The following GARIN4 variants were observed in gnomAD, a reference collection of about 807,000 sequenced individuals.
GARIN4 encodes Golgi-associated RAB2 interactor protein 4.
the GARIN4 span, chr1:212,625,047 G>C: frequency 6.2e-7 from 1 of 1,614,166 alleles, no homozygotes; most frequent in Non-Finnish European, 8.5e-7. Context: ...ACCAAAAGGG[G>C]AGAAGTGATT....
the GARIN4 span, chr1:212,625,089 T>C: frequency 1.2e-6 from 2 of 1,614,098 alleles, no homozygotes; most frequent in Non-Finnish European, 1.7e-6. Flanking sequence ...ATGGTGACCA[T>C]GGGCATTGCA....
At chr1:212,626,022 C>A in the GARIN4 span, 1 of 1,614,240 alleles carries the variant, frequency 6.2e-7, no homozygotes, top group Non-Finnish European at 8.5e-7. Flanking sequence ...AGCAGGACAG[C>A]TGCAGAAGCA....
the GARIN4 span, chr1:212,626,201 A>T: frequency 7.4e-6 from 12 of 1,614,136 alleles, no homozygotes; most frequent in Non-Finnish European, 1.0e-5. Flanking sequence ...TCGCCGCAGG[A>T]CAGGTGAAAG....
chr1:212,625,697 G>A, the GARIN4 span: 30,106 of 1,614,080 alleles, frequency 0.019, 505 homozygotes, highest in African/African-American at 0.066. Flanking sequence ...AGCAACAGGG[G>A]GGATTAAAGA....
chr1:212,626,211 G>A, the GARIN4 span: 2 of 1,614,046 alleles, frequency 1.2e-6, no homozygotes, highest in Non-Finnish European at 8.5e-7. Flanking sequence ...ACAGGTGAAA[G>A]CCGCCACAAA....
the GARIN4 span, chr1:212,624,779 T>A: frequency 6.9e-7 from 1 of 1,441,454 alleles, no homozygotes. Context: ...GAGACATCTT[T>A]GTGACCCAGG....
chr1:212,625,064 CA>C, the GARIN4 span: 1 of 1,614,104 alleles, frequency 6.2e-7, no homozygotes, highest in South Asian at 1.1e-5. Flanking sequence ...GATTGATGTG[CA>C]CAACCGTGTC....
the GARIN4 span, chr1:212,626,606 A>G: frequency 1.2e-6 from 2 of 1,613,862 alleles, no homozygotes; most frequent in Middle Eastern, 1.7e-4. Flanking sequence ...GGGGCTGGAG[A>G]CGGTTGGTTC....
the GARIN4 span, chr1:212,626,017 G>T: frequency 6.2e-7 from 1 of 1,614,252 alleles, no homozygotes; most frequent in Admixed American, 1.7e-5. Flanking sequence ...TGACCAGCAG[G>T]ACAGCTGCAG....
the GARIN4 span, chr1:212,624,681 G>A: frequency 4.4e-5 from 44 of 1,003,396 alleles, no homozygotes; most frequent in African/African-American, 9.8e-5. Context: ...GCAATCATCC[G>A]TGCTCCCACC....
the GARIN4 span, chr1:212,626,571 T>C: frequency 6.2e-7 from 1 of 1,613,974 alleles, no homozygotes; most frequent in African/African-American, 1.3e-5. Flanking sequence ...AACGTGGCCA[T>C]CGCCGAGACA....
At chr1:212,624,736 G>A in the GARIN4 span, 1 of 1,414,218 alleles carries the variant, frequency 7.1e-7, no homozygotes, top group African/African-American at 1.4e-5. Context: ...GTGGGGGCCT[G>A]TGGGGTGGGG....
At chr1:212,626,708 G>T in the GARIN4 span, 2 of 1,534,654 alleles carry the variant, frequency 1.3e-6, no homozygotes, top group Non-Finnish European at 1.7e-6. Context: ...GAGCTCATGG[G>T]AGTGTCCCTG....
the GARIN4 span, chr1:212,625,520 GA>G: frequency 3.1e-6 from 5 of 1,614,220 alleles, no homozygotes; most frequent in Non-Finnish European, 4.2e-6. Context: ...AGGAAAGGGG[GA>G]TCAGGACCAG....
the GARIN4 span, chr1:212,625,439 C>G: frequency 6.2e-7 from 1 of 1,614,170 alleles, no homozygotes; most frequent in Non-Finnish European, 8.5e-7. Flanking sequence ...CTGTGGCATT[C>G]CAGCTGAAGA....
At chr1:212,625,272 A>G in the GARIN4 span, 43 of 1,614,092 alleles carry the variant, frequency 2.7e-5, no homozygotes, top group Non-Finnish European at 3.6e-5. Flanking sequence ...ATCTCTGTTC[A>G]AGACCATGAG....
the GARIN4 span, chr1:212,625,893 G>A: frequency 6.2e-7 from 1 of 1,614,218 alleles, no homozygotes; most frequent in East Asian, 2.2e-5. Flanking sequence ...GCTCCAAACA[G>A]CACGAAGGTG....
chr1:212,625,022 G>A, the GARIN4 span: 8 of 1,614,026 alleles, frequency 5.0e-6, no homozygotes, highest in African/African-American at 2.7e-5. Context: ...ATTTGAGAGC[G>A]ACTTTATCCA....
the GARIN4 span, chr1:212,625,178 C>T: frequency 6.2e-7 from 1 of 1,614,166 alleles, no homozygotes; most frequent in Non-Finnish European, 8.5e-7. Flanking sequence ...GTATGCTGGA[C>T]ATGGCCAGGC....
Sources: gnomAD v4.1 joint callset for allele counts on GRCh38, gnomAD v4.1.1 for gene constraint, MANE v1.5 for transcripts, NCBI Gene and HGNC (gene_info 2026-07-23, HGNC 2026-07-21) for gene names.